Variants in TXNL4A observed in about 807,000 individuals in gnomAD.
TXNL4A encodes thioredoxin-like protein 4A.
Under a neutral mutation model 14.6 loss-of-function variants are expected in TXNL4A, and 17 were observed. The ratio of observed to expected loss-of-function variants is 1.16; its 90% CI spans 0.80 to 1.74. The LOEUF (loss-of-function observed/expected upper bound fraction) is 1.74. Among genes scored for constraint, TXNL4A ranks in the 40% most tolerant of loss-of-function variants. TXNL4A has a pLI of 0.00. For synonymous variants in TXNL4A, 83 were observed against 70.6 expected (o/e 1.18, Z -0.88); for missense variants, 74 against 195.2 (o/e 0.38, Z 3.70).
At chr18:79,996,414 C>T (rs1421032715) in intron 1 of TXNL4A, among the ~76,000 whole-genome samples, 1 of 152,140 alleles carries the variant, frequency 6.6e-6, no homozygotes. Context: ...TAATAAAACT[C>T]TCTCATGTTT....
intron 1 of TXNL4A, among the ~76,000 whole-genome samples, chr18:79,995,840 C>T (rs1213191807): frequency 2.0e-5 from 3 of 152,272 alleles, no homozygotes; most frequent in East Asian, 3.9e-4. Context: ...CGGTGGCTCA[C>T]GCCTGTAATC....
chr18:80,000,919 G>T (rs2051694284), intron 1 of TXNL4A, among the ~76,000 whole-genome samples: 1 of 152,206 alleles, frequency 6.6e-6, no homozygotes, highest in Admixed American at 6.5e-5. Flanking sequence ...CTCCCAAAGT[G>T]CTGGAATTAC....
At chr18:79,978,127 G>A (rs887824191) in intron 1 of TXNL4A, among the ~76,000 whole-genome samples, 4 of 152,050 alleles carry the variant, frequency 2.6e-5, no homozygotes, top group Middle Eastern at 3.2e-3. Flanking sequence ...GGCTCCTTCC[G>A]CCTCACTTTA....
At chr18:80,021,908 G>C (rs930750448) in intron 1 of TXNL4A, among the ~76,000 whole-genome samples, 2 of 152,030 alleles carry the variant, frequency 1.3e-5, no homozygotes, top group Non-Finnish European at 2.9e-5. Context: ...CACACCTCTG[G>C]GTTAACATTG....
At position 79,973,320 on chromosome 18, in the gene TXNL4A, G is replaced by C. The variant is rs1360906606; in HGVS notation, c.*365C>G. 1 of 181,138 alleles carries C rather than the reference G, an allele frequency of 5.5e-6. No individual in the cohort carries two copies. Among genetic ancestry groups the C allele is most frequent in the African/African-American group, 2.3e-5 (1 of 42,612 alleles). 11.2% of individuals were successfully genotyped at this position (181,138 alleles called of 1,614,324 possible). A position where few individuals can be genotyped will look rare whatever the true frequency, so the allele number is the denominator to read the frequency against. On this transcript the variant is annotated 3_prime_UTR_variant, in exon 3 of 3. Coordinates refer to ENST00000269601, the MANE Select transcript of TXNL4A (RefSeq NM_006701.5). ...GACCCCCGCCTGCAAAGCTGTGAGA[G>C]CACACATCTCTGTTAAAGCCCAGCT...
intron 1 of TXNL4A, among the ~76,000 whole-genome samples, chr18:80,016,542 A>T (rs1167211927): frequency 6.6e-6 from 1 of 152,092 alleles, no homozygotes; most frequent in Non-Finnish European, 1.5e-5. Context: ...TTTTTGTATA[A>T]GGTGTAAGGA....
At chr18:80,032,921 C>A (rs1278035232) in intron 1 of TXNL4A, among the ~76,000 whole-genome samples, 1 of 147,414 alleles carries the variant, frequency 6.8e-6, no homozygotes, top group African/African-American at 2.5e-5. Flanking sequence ...TCTGATTGTT[C>A]CCCTACCACA....
intron 1 of TXNL4A, among the ~76,000 whole-genome samples, chr18:79,981,240 A>C (rs118168346): frequency 6.6e-6 from 1 of 152,250 alleles, no homozygotes; most frequent in Non-Finnish European, 1.5e-5. Flanking sequence ...TTGAAATATC[A>C]TTTGGACAGG....
chr18:79,976,504 C>T (rs945536601), intron 2 of TXNL4A, among the ~76,000 whole-genome samples: 2 of 152,146 alleles, frequency 1.3e-5, no homozygotes, highest in African/African-American at 2.4e-5. Flanking sequence ...ACAACCCAAA[C>T]AAGCCCCTCA....
chr18:79,974,673 G>A (rs1215020000), intron 2 of TXNL4A, among the ~76,000 whole-genome samples: 1 of 152,026 alleles, frequency 6.6e-6, no homozygotes, highest in Non-Finnish European at 1.5e-5. Context: ...AAGATGGGGT[G>A]TCCCCATGTT....
At chr18:79,998,741 G>A (rs1193276140) in intron 1 of TXNL4A, among the ~76,000 whole-genome samples, 1 of 149,316 alleles carries the variant, frequency 6.7e-6, no homozygotes. Context: ...CTCAACGTGT[G>A]TCTGTCAACC....
At chr18:79,995,361 C>T (rs117375857) in intron 1 of TXNL4A, 6 of 152,338 alleles carry the variant, frequency 3.9e-5, no homozygotes, top group Non-Finnish European at 5.9e-5. Context: ...TGCTCGTGAA[C>T]GATGACTGTT....
chr18:79,977,442 A>G lies in TXNL4A; in HGVS notation c.257+156T>C, dbSNP rs559382718. 2.5e-4 allele frequency: 148 copies of G among 599,942 alleles called. No individual in the cohort carries two copies. The African/African-American group carries it at 2.7e-3, about 11-fold the overall frequency. The allele number at this position is 599,942 out of a possible 1,614,324, so 37.2% of individuals were successfully genotyped here. On this transcript the variant is annotated intron_variant, in intron 2 of 2. Coordinates refer to ENST00000269601, the MANE Select transcript of TXNL4A (RefSeq NM_006701.5). ...GAATTGTTACTTTGAAAATTATTTC[A>G]AAGATTCACACTGATTGCCTGGTGA... is the stretch of plus-strand genomic sequence containing the variant.
intron 1 of TXNL4A, 60 bp from the exon 2 acceptor site, chr18:79,977,761 G>A (rs896806966): frequency 1.6e-5 from 18 of 1,121,530 alleles, no homozygotes; most frequent in Non-Finnish European, 2.2e-5. Context: ...TCATTTTATA[G>A]AAGCACATTT....
upstream of TXNL4A, among the ~76,000 whole-genome samples, chr18:79,992,983 C>G (rs1346302207): frequency 6.6e-6 from 1 of 151,218 alleles, no homozygotes; most frequent in Non-Finnish European, 1.5e-5. Context: ...TTCTCAATAT[C>G]CCACCCTTTC....
chr18:80,013,887 A>G (rs1342537620), intron 1 of TXNL4A, among the ~76,000 whole-genome samples: 4 of 152,238 alleles, frequency 2.6e-5, no homozygotes, highest in African/African-American at 9.6e-5. Context: ...AATTAGACTT[A>G]TATTTCCACA....
chr18:80,023,320 TA>T (rs1422654163), intron 1 of TXNL4A, among the ~76,000 whole-genome samples: 1 of 151,992 alleles, frequency 6.6e-6, no homozygotes, highest in Admixed American at 6.6e-5. Flanking sequence ...TAGAGGGACA[TA>T]AAAGGAAAAA....
At chr18:80,009,933 C>G (rs2145114015) in intron 1 of TXNL4A, among the ~76,000 whole-genome samples, 1 of 152,262 alleles carries the variant, frequency 6.6e-6, no homozygotes, top group South Asian at 2.1e-4. Flanking sequence ...TTAAACTTCA[C>G]CATTTTGCCT....
chr18:79,977,355 C>T (rs1215227624), intron 2 of TXNL4A: 3 of 530,316 alleles, frequency 5.7e-6, no homozygotes, highest in Non-Finnish European at 6.6e-6. Context: ...TACACTTCAC[C>T]TAGGTTTCCC....
Sources: allele counts gnomAD v4.1 joint callset (sites outside exome capture counted in the v4.1 genomes callset), GRCh38; gene constraint gnomAD v4.1.1; transcripts MANE v1.5; gene names NCBI Gene and HGNC (gene_info 2026-07-23, HGNC 2026-07-21).